The following NKAIN2 variants were observed in gnomAD, a reference collection of about 807,000 sequenced individuals.
NKAIN2 encodes sodium/potassium-transporting ATPase subunit beta-1-interacting protein 2.
NKAIN2 carries 14 observed loss-of-function variants against 32.6 expected under a neutral mutation model. The ratio of observed to expected loss-of-function variants is 0.43; its 90% CI spans 0.28 to 0.67. The LOEUF (loss-of-function observed/expected upper bound fraction) is 0.67, where lower values mean the gene tolerates loss of function less well. Ranked by LOEUF, NKAIN2 falls within the 30% of genes least tolerant of loss-of-function variation. NKAIN2 has a pLI of 0.17. For synonymous variants in NKAIN2, 80 were observed against 87.2 expected (o/e 0.92, Z 0.46); for missense variants, 198 against 258.3 (o/e 0.77, Z 1.60).
intron 1 of NKAIN2, among the ~76,000 whole-genome samples, chr6:124,201,686 A>G (rs1431254301): frequency 6.6e-6 from 1 of 152,000 alleles, no homozygotes; most frequent in Non-Finnish European, 1.5e-5. Flanking sequence ...TCCTGTGGCC[A>G]TACATAGAGA....
intron 1 of NKAIN2, among the ~76,000 whole-genome samples, chr6:124,151,189 T>C (rs78360853): frequency 0.056 from 8,496 of 151,978 alleles, 443 homozygotes; most frequent in African/African-American, 0.12. Flanking sequence ...TTTTATCATC[T>C]AGTATAACAA....
At chr6:124,405,683 C>G (rs969910491) in intron 3 of NKAIN2, among the ~76,000 whole-genome samples, 1 of 151,922 alleles carries the variant, frequency 6.6e-6, no homozygotes, top group Admixed American at 6.6e-5. Context: ...CCCGGCAAAA[C>G]CTTTTTTATT....
At chr6:124,514,709 A>G (rs1778839196) in intron 3 of NKAIN2, among the ~76,000 whole-genome samples, 2 of 151,238 alleles carry the variant, frequency 1.3e-5, no homozygotes, top group African/African-American at 4.9e-5. Flanking sequence ...TTCAGTAAAT[A>G]TGGAATTTTC....
chr6:124,100,423 T>C (rs1343856082), intron 1 of NKAIN2, among the ~76,000 whole-genome samples: 1 of 152,230 alleles, frequency 6.6e-6, no homozygotes, highest in Admixed American at 6.5e-5. Flanking sequence ...CATGGTAATA[T>C]GTTGAATTTA....
intron 3 of NKAIN2, among the ~76,000 whole-genome samples, chr6:124,394,855 C>T (rs569401714): frequency 2.1e-4 from 32 of 152,206 alleles, no homozygotes; most frequent in South Asian, 6.2e-4. Context: ...GAAGATCTCT[C>T]GGCCCAGTCA....
intron 4 of NKAIN2, among the ~76,000 whole-genome samples, chr6:124,755,860 TTAAAA>T (rs1267181125): frequency 5.3e-5 from 8 of 152,152 alleles, no homozygotes; most frequent in Non-Finnish European, 1.2e-4. Context: ...ACCCCTGAAC[TTAAAA>T]TAATAGTTTA....
chr6:124,310,180 G>A (rs576614766), intron 2 of NKAIN2, among the ~76,000 whole-genome samples: 24 of 152,158 alleles, frequency 1.6e-4, no homozygotes, highest in African/African-American at 5.5e-4. Context: ...AAAGCACATA[G>A]CTGTTTTAGT....
chr6:123,903,965 C>G (rs777324559), intron 1 of NKAIN2, among the ~76,000 whole-genome samples: 1 of 151,308 alleles, frequency 6.6e-6, no homozygotes, highest in Non-Finnish European at 1.5e-5. Flanking sequence ...TGGTGGCTCA[C>G]GCCTGTAATC....
chr6:123,876,517 C>T (rs1428845828), intron 1 of NKAIN2, among the ~76,000 whole-genome samples: 1 of 152,062 alleles, frequency 6.6e-6, no homozygotes, highest in Non-Finnish European at 1.5e-5. Context: ...TGAGAAGTCC[C>T]ACAATTTGCT....
At chr6:123,867,075 G>A (rs533284473) in intron 1 of NKAIN2, among the ~76,000 whole-genome samples, 26 of 152,240 alleles carry the variant, frequency 1.7e-4, no homozygotes, top group African/African-American at 4.1e-4. Flanking sequence ...CCCAAGCAAA[G>A]CCTGGGAGAT....
intron 3 of NKAIN2, among the ~76,000 whole-genome samples, chr6:124,472,103 C>T (rs998608800): frequency 6.6e-6 from 1 of 152,022 alleles, no homozygotes; most frequent in Non-Finnish European, 1.5e-5. Flanking sequence ...TCTACCCAGC[C>T]ATTGTCACAT....
Position 124,807,251 on chromosome 6 carries a change from T to C in NKAIN2, c.536-11136T>C, listed in dbSNP as rs1243923066. On this transcript the variant is annotated intron_variant, in intron 5 of 6. Transcript: ENST00000368417. Reference sequence around the variant, plus strand: ...CACATAGTTGGAAGTAAAGCACTCCTCAGCACATGTAAAAGAACAGAAATT... The same window carrying C: ...CACATAGTTGGAAGTAAAGCACTCCCCAGCACATGTAAAAGAACAGAAATT... Among the ~76,000 whole-genome samples the C allele has an allele frequency of 4.9e-4, 75 of 152,178 alleles. 1 individual carries two copies. The highest frequency in any genetic ancestry group is 4.6e-4 in the Admixed American group (7 of 15,278).
At chr6:124,061,830 G>T (rs1013159238) in intron 1 of NKAIN2, among the ~76,000 whole-genome samples, 2 of 151,956 alleles carry the variant, frequency 1.3e-5, no homozygotes, top group Non-Finnish European at 2.9e-5. Context: ...ACTTTTTCAC[G>T]TAAGAAAACT....
At chr6:124,236,987 G>T (rs1367717434) in intron 1 of NKAIN2, among the ~76,000 whole-genome samples, 1 of 152,184 alleles carries the variant, frequency 6.6e-6, no homozygotes, top group African/African-American at 2.4e-5. Context: ...GAATTCTTCA[G>T]TTTTGGCAAG....
intron 1 of NKAIN2, among the ~76,000 whole-genome samples, chr6:124,112,206 A>T (rs1199565323): frequency 1.3e-5 from 2 of 152,062 alleles, no homozygotes; most frequent in Non-Finnish European, 2.9e-5. Context: ...TTCATTTTGA[A>T]TTGAAGAACA....
chr6:124,014,144 T>A (rs955801469), intron 1 of NKAIN2, among the ~76,000 whole-genome samples: 1 of 152,180 alleles, frequency 6.6e-6, no homozygotes, highest in African/African-American at 2.4e-5. Context: ...TTTCTTTCAT[T>A]TGCATTGTTT....
intron 1 of NKAIN2, among the ~76,000 whole-genome samples, chr6:123,879,982 C>T (rs1480706490): frequency 6.6e-6 from 1 of 152,110 alleles, no homozygotes; most frequent in African/African-American, 2.4e-5. Flanking sequence ...GCTGGGGAGT[C>T]CCTGGTTCTT....
chr6:124,695,822 A>G (rs538219855), intron 4 of NKAIN2, among the ~76,000 whole-genome samples: 1 of 152,210 alleles, frequency 6.6e-6, no homozygotes, highest in Non-Finnish European at 1.5e-5. Flanking sequence ...CTCACCCATC[A>G]TAAGGGCCAT....
chr6:124,773,299 G>A (rs1778841468), intron 4 of NKAIN2, among the ~76,000 whole-genome samples: 1 of 152,168 alleles, frequency 6.6e-6, no homozygotes, highest in Non-Finnish European at 1.5e-5. Context: ...AAATGGGAAG[G>A]AGAAAGAGGA....
Sources: gnomAD v4.1 joint callset for allele counts (sites outside exome capture counted in the v4.1 genomes callset) on GRCh38, gnomAD v4.1.1 for gene constraint, MANE v1.5 for transcripts, NCBI Gene and HGNC (gene_info 2026-07-23, HGNC 2026-07-21) for gene names.